EPM2A: variants seen among roughly 807,000 people sequenced by gnomAD.
EPM2A encodes EPM2A glucan phosphatase, laforin.
In EPM2A, 21 loss-of-function variants were observed where a neutral mutation model predicts 26.5. That is an observed-to-expected ratio of 0.79 (90% confidence interval 0.56 to 1.14). The LOEUF (loss-of-function observed/expected upper bound fraction) is 1.14, where lower values mean the gene tolerates loss of function less well. Ranked by LOEUF, EPM2A falls within the 50% of genes most tolerant of loss-of-function variation. The probability of loss-of-function intolerance (pLI) is 0.00; values close to 1 mark genes in which losing one functional copy is unlikely to be tolerated. For missense variants in EPM2A, 458 were observed against 440.8 expected (o/e 1.04, Z -0.35); for synonymous variants, 217 against 177.6 (o/e 1.22, Z -1.76).
chr6:145,421,486 G>C (rs1778780208), intron 4 of EPM2A, among the ~76,000 whole-genome samples: 1 of 152,052 alleles, frequency 6.6e-6, no homozygotes, highest in East Asian at 1.9e-4. Flanking sequence ...TAGTATTACA[G>C]AATAATTTTA....
At chr6:145,577,464 T>C (rs1781049515) in intron 2 of EPM2A, among the ~76,000 whole-genome samples, 1 of 151,244 alleles carries the variant, frequency 6.6e-6, no homozygotes, top group Admixed American at 6.6e-5. Context: ...AATTATACAA[T>C]GATAAATGGG....
intron 2 of EPM2A, chr6:145,639,419 G>A (rs1776921268): frequency 6.6e-6 from 1 of 152,166 alleles, no homozygotes; most frequent in Non-Finnish European, 1.5e-5. Context: ...TACTTATAGA[G>A]AGGCTTGGGA....
chr6:145,413,948 T>C (rs1285112547), intron 4 of EPM2A, among the ~76,000 whole-genome samples: 1 of 152,160 alleles, frequency 6.6e-6, no homozygotes, highest in Admixed American at 6.5e-5. Flanking sequence ...CCTCTCCTTC[T>C]CTAGATTGTC....
intron 1 of EPM2A, among the ~76,000 whole-genome samples, chr6:145,696,775 ATGTGTGTGTGTGTGTGTGTGTG>A (rs35621582): frequency 3.7e-5 from 5 of 135,310 alleles, no homozygotes; most frequent in South Asian, 2.6e-4. Flanking sequence ...AGGTAGGGGT[ATGTGTGTGTGTGTGTGTGTGTG>A]TGTGTGTGTG....
intron 4 of EPM2A, among the ~76,000 whole-genome samples, chr6:145,447,418 G>A (rs374060660): frequency 1.1e-4 from 17 of 151,866 alleles, no homozygotes; most frequent in African/African-American, 3.6e-4. Flanking sequence ...CCCTAGATTT[G>A]GAGTTTCATT....
At chr6:145,482,407 G>A (rs1206220711) in intron 4 of EPM2A, among the ~76,000 whole-genome samples, 4 of 152,110 alleles carry the variant, frequency 2.6e-5, no homozygotes, top group Non-Finnish European at 5.9e-5. Context: ...TTTAAATGGA[G>A]CTCTTTTTGC....
chr6:145,655,910 T>C (rs1472237502), intron 2 of EPM2A, among the ~76,000 whole-genome samples: 6 of 152,184 alleles, frequency 3.9e-5, no homozygotes, highest in South Asian at 2.1e-4. Context: ...TTCTTAGTGT[T>C]TGGAAAGTAT....
At chr6:145,678,082 T>A (rs1053763496) in intron 2 of EPM2A, among the ~76,000 whole-genome samples, 6 of 152,094 alleles carry the variant, frequency 3.9e-5, no homozygotes, top group African/African-American at 1.4e-4. Flanking sequence ...AAAACAGATT[T>A]ATAGACTAAC....
chr6:145,581,193 A>G (rs967717272), intron 2 of EPM2A, among the ~76,000 whole-genome samples: 1 of 152,172 alleles, frequency 6.6e-6, no homozygotes, highest in Non-Finnish European at 1.5e-5. Context: ...AGTAATAGCC[A>G]TTCCGACTGG....
At chr6:145,577,578 AC>A (rs34386537) in intron 2 of EPM2A, among the ~76,000 whole-genome samples, 1,955 of 148,360 alleles carry the variant, frequency 0.013, 25 homozygotes, top group Admixed American at 0.022. Context: ...AGAAATGTAG[AC>A]CCCCCCCCAA....
chr6:145,527,535 T>C (rs1341998843), intron 2 of EPM2A, among the ~76,000 whole-genome samples: 2 of 152,146 alleles, frequency 1.3e-5, no homozygotes, highest in Non-Finnish European at 2.9e-5. Context: ...TATCATTATA[T>C]AATGCCCTTC....
intron 4 of EPM2A, among the ~76,000 whole-genome samples, chr6:145,411,304 C>G (rs1778639680): frequency 6.6e-6 from 1 of 152,116 alleles, no homozygotes. Context: ...TGAACTGATA[C>G]ATAAAAGGTG....
intron 4 of EPM2A, chr6:145,491,326 C>A (rs1421084776): frequency 1.2e-5 from 4 of 337,356 alleles, no homozygotes; most frequent in Non-Finnish European, 2.3e-5. Flanking sequence ...AGGGAGCATG[C>A]AGGTGAGCGG....
chr6:145,454,586 G>A (rs1032453036), intron 4 of EPM2A, among the ~76,000 whole-genome samples: 1 of 152,190 alleles, frequency 6.6e-6, no homozygotes, highest in Non-Finnish European at 1.5e-5. Context: ...ACTAAACCTT[G>A]CTATGCAAAG....
At chr6:145,619,675 G>C (rs1775589485) in intron 2 of EPM2A, among the ~76,000 whole-genome samples, 1 of 151,968 alleles carries the variant, frequency 6.6e-6, no homozygotes, top group Non-Finnish European at 1.5e-5. Context: ...TGAAGATTAT[G>C]TCCCCACCAA....
intron 2 of EPM2A, among the ~76,000 whole-genome samples, chr6:145,589,845 G>T (rs1014778460): frequency 4.0e-5 from 6 of 150,570 alleles, no homozygotes; most frequent in African/African-American, 1.5e-4. Flanking sequence ...GCAGAAGCAG[G>T]GTACCCTTTG....
At position 145,627,284 on chromosome 6, in the gene EPM2A, T is replaced by C; in HGVS notation, c.*132A>G. 3 of 1,567,188 alleles carry C rather than the reference T, an allele frequency of 1.9e-6. No individual in the cohort carries two copies. Among genetic ancestry groups the C allele is most frequent in the South Asian group, 2.3e-5 (2 of 85,304 alleles). On this transcript the variant is annotated 3_prime_UTR_variant, in exon 4 of 4. Transcript: ENST00000367519. ...AAGCATAATCGAAAGTCATCCCAGG[T>C]GAAAGTGGTTGGCTTGGGGGAGGTC...
intron 2 of EPM2A, among the ~76,000 whole-genome samples, chr6:145,564,014 TC>T (rs1296578912): frequency 6.6e-6 from 1 of 152,190 alleles, no homozygotes; most frequent in Non-Finnish European, 1.5e-5. Context: ...TCTATGCATA[TC>T]CTATCATCTA....
downstream of EPM2A, among the ~76,000 whole-genome samples, chr6:145,498,199 C>T (rs548050979): frequency 2.6e-5 from 4 of 152,350 alleles, no homozygotes; most frequent in East Asian, 1.9e-4. Flanking sequence ...CCACCCCTCC[C>T]GTCAGGAACA....
Sources: gnomAD v4.1 joint callset for allele counts (sites outside exome capture counted in the v4.1 genomes callset) on GRCh38, gnomAD v4.1.1 for gene constraint, MANE v1.5 for transcripts, NCBI Gene and HGNC (gene_info 2026-07-23, HGNC 2026-07-21) for gene names.